DHX36: variants seen among roughly 807,000 people sequenced by gnomAD.
DHX36 encodes the protein ATP-dependent DNA/RNA helicase DHX36.
DHX36 carries 50 observed loss-of-function variants against 139.0 expected under a neutral mutation model. That is an observed-to-expected ratio of 0.36 (90% CI 0.29 to 0.46). The LOEUF is 0.46. Ranked by LOEUF, DHX36 falls within the 20% of genes least tolerant of loss-of-function variation. DHX36 has a pLI of 1.00. For missense variants in DHX36, 1,024 were observed against 1,211.3 expected (o/e 0.85, Z 2.29); for synonymous variants, 425 against 401.9 (o/e 1.06, Z -0.69).
Position 154,273,570 on chromosome 3 carries a change from C to T in DHX36, c.*2601G>A, listed in dbSNP as rs1293096196. 1 of 152,212 alleles carries T rather than the reference C, an allele frequency of 6.6e-6. No homozygotes were observed. Among genetic ancestry groups the T allele is most frequent in the Non-Finnish European group, 1.5e-5 (1 of 68,040 alleles). The allele number at this position is 152,212 out of a possible 1,614,324, so 9.4% of individuals were successfully genotyped here. ...AGCAAGAAAGACCAGATGGTCACCT[C>T]GACGTTAGAGGCAAAACCAGTATGC... is the stretch of plus-strand genomic sequence containing the variant. On this transcript the variant is annotated 3_prime_UTR_variant, in exon 25 of 25. Transcript: ENST00000496811.
intron 1 of DHX36, among the ~76,000 whole-genome samples, chr3:154,319,712 G>A (rs1559961592): frequency 6.6e-6 from 1 of 152,024 alleles, no homozygotes; most frequent in Non-Finnish European, 1.5e-5. Context: ...TTTTAGTAAT[G>A]TGGTAGAGAA....
chr3:154,277,270 T>C (rs562569934), intron 23 of DHX36, among the ~76,000 whole-genome samples: 4 of 152,250 alleles, frequency 2.6e-5, no homozygotes, highest in Admixed American at 2.6e-4. Context: ...GAACAATACT[T>C]ATAAGGTATA....
rs979998876 is a variant in DHX36, at chr3:154,273,248, G to A, written c.*2923C>T. 3 of 152,146 alleles carry A rather than the reference G, an allele frequency of 2.0e-5. No individual in the cohort carries two copies. The highest frequency in any genetic ancestry group is 1.5e-5 in the Non-Finnish European group (1 of 68,024). The allele number at this position is 152,146 out of a possible 1,614,324, so 9.4% of individuals were successfully genotyped here. ...ATTTTGTAAACAAAAGAAACAGAAT[G>A]TAAGTAGCACCTTGGATTAAAATGT... On this transcript the variant is annotated 3_prime_UTR_variant, in exon 25 of 25. Coordinates refer to ENST00000496811, the MANE Select transcript of DHX36 (RefSeq NM_020865.3).
At chr3:154,296,999 G>A (rs887770320) in intron 12 of DHX36, among the ~76,000 whole-genome samples, 5 of 152,182 alleles carry the variant, frequency 3.3e-5, no homozygotes, top group African/African-American at 1.2e-4. Context: ...GGAAATAAAG[G>A]TAAGAGAGAA....
Position 154,292,726 on chromosome 3 carries a change from AACACACACAC to A in DHX36, c.1671-42_1671-33del, listed in dbSNP as rs58416816. 1.9e-3 allele frequency: 2,842 copies of A among 1,513,228 alleles called. 12 individuals carry two copies. In the African/African-American group the frequency reaches 0.021, roughly 11 times the overall value. 93.7% of individuals were successfully genotyped at this position (1,513,228 alleles called of 1,614,324 possible). A position where few individuals can be genotyped will look rare whatever the true frequency, so the allele number is the denominator to read the frequency against. On this transcript the variant is annotated intron_variant, in intron 14 of 24. Transcript: ENST00000496811. ...GGAAAACAGATATATAAAATGTTAA[AACACACACAC>A]ACACACACACACACACACACACACA... is the stretch of plus-strand genomic sequence containing the variant.
intron 1 of DHX36, among the ~76,000 whole-genome samples, chr3:154,321,428 T>A (rs1713181073): frequency 1.3e-5 from 2 of 152,218 alleles, no homozygotes; most frequent in African/African-American, 4.8e-5. Context: ...AGTTTCAACT[T>A]AAGGGTTACT....
chr3:154,285,032 T>G, intron 17 of DHX36, 45 bp from the exon 18 acceptor site: 1 of 1,592,686 alleles, frequency 6.3e-7, no homozygotes, highest in Non-Finnish European at 8.6e-7. Context: ...TGTAAAGCAT[T>G]ACATTTAAAA....
chr3:154,290,363 C>G (rs373883065), intron 15 of DHX36, among the ~76,000 whole-genome samples: 1 of 152,060 alleles, frequency 6.6e-6, no homozygotes, highest in Non-Finnish European at 1.5e-5. Context: ...AGGCCGGGCG[C>G]GATGGCTCAC....
chr3:154,287,847 T>C (rs925215608), intron 17 of DHX36, among the ~76,000 whole-genome samples: 2 of 151,842 alleles, frequency 1.3e-5, no homozygotes, highest in East Asian at 1.9e-4. Context: ...ATAATAAACA[T>C]AAAAGCTGCT....
At chr3:154,287,146 G>T (rs911469658) in intron 17 of DHX36, among the ~76,000 whole-genome samples, 1 of 152,126 alleles carries the variant, frequency 6.6e-6, no homozygotes, top group South Asian at 2.1e-4. Flanking sequence ...AGGACAAAAA[G>T]AGATGAACTT....
intron 15 of DHX36, 55 bp downstream of exon 15, chr3:154,292,496 T>C: frequency 6.2e-7 from 1 of 1,605,178 alleles, no homozygotes; most frequent in South Asian, 1.1e-5. Flanking sequence ...CATCACATTT[T>C]GTTACACAAA....
chr3:154,324,024 G>T (rs891018355), intron 1 of DHX36, 150 bp downstream of exon 1: 8 of 934,680 alleles, frequency 8.6e-6, no homozygotes, highest in Non-Finnish European at 9.7e-6. Flanking sequence ...CACCCGCTAC[G>T]GGGAGCGCCA....
intron 24 of DHX36, 107 bp from the exon 25 acceptor site, chr3:154,276,463 T>G (rs1486223304): frequency 1.8e-6 from 2 of 1,081,610 alleles, no homozygotes; most frequent in South Asian, 3.1e-5. Context: ...AAGCGATGGC[T>G]CAAAAGCTAA....
At position 154,289,954 on chromosome 3, in the gene DHX36, T is replaced by G. The variant is rs141557293; in HGVS notation, c.1815-128A>C. 1.2e-5 allele frequency: 7 copies of G among 569,308 alleles called. No individual in the cohort carries two copies. The East Asian group carries it at 2.0e-4, about 16-fold the overall frequency. The allele number at this position is 569,308 out of a possible 1,614,324, so 35.3% of individuals were successfully genotyped here. A position where few individuals can be genotyped will look rare whatever the true frequency, so the allele number is the denominator to read the frequency against. ...TTCTTACATGCCACATAATAGCTAA[T>G]GTACGTAATTATTTTTTCCTTTTTA... On this transcript the variant is annotated intron_variant, in intron 15 of 24. Transcript: ENST00000496811.
At chr3:154,277,499 C>CAAA in intron 23 of DHX36, 99 bp downstream of exon 23, 1 of 1,162,974 alleles carries the variant, frequency 8.6e-7, no homozygotes, top group Non-Finnish European at 1.1e-6. Flanking sequence ...TAAGACACAA[C>CAAA]AAAAAAAAAA....
At chr3:154,318,469 C>A (rs936402098) in intron 1 of DHX36, among the ~76,000 whole-genome samples, 1 of 152,080 alleles carries the variant, frequency 6.6e-6, no homozygotes, top group East Asian at 1.9e-4. Flanking sequence ...CACTTCCTGC[C>A]CGTAACAGCA....
intron 15 of DHX36, 92 bp from the exon 16 acceptor site, chr3:154,289,918 C>T (rs1711716063): frequency 4.3e-6 from 3 of 705,626 alleles, no homozygotes; most frequent in Non-Finnish European, 7.3e-6. Flanking sequence ...AGGGAAGTAG[C>T]CAATATCAAT....
chr3:154,297,906 A>G (rs574381536), intron 12 of DHX36, among the ~76,000 whole-genome samples: 18 of 152,308 alleles, frequency 1.2e-4, no homozygotes, highest in Non-Finnish European at 2.1e-4. Flanking sequence ...TATGAAAAGA[A>G]AAAAACAAGA....
At position 154,293,271 on chromosome 3, in the gene DHX36, T is replaced by C. The variant is rs1282422249; in HGVS notation, c.1670+477A>G. On this transcript the variant is annotated intron_variant, in intron 14 of 24. Coordinates refer to ENST00000496811, the MANE Select transcript of DHX36 (RefSeq NM_020865.3). Reference sequence around the variant, plus strand: ...TGCTATTTCTGAGCTAAAGCATTACTATAGGTTAAAAAACCCCCACAAAAC... The same window carrying C: ...TGCTATTTCTGAGCTAAAGCATTACCATAGGTTAAAAAACCCCCACAAAAC... 2.6e-5 allele frequency among the ~76,000 whole-genome samples: 4 copies of C among 152,228 alleles called. No homozygotes were observed. The East Asian group carries it at 7.7e-4, about 29-fold the overall frequency.
Sources: gnomAD v4.1 joint callset for allele counts (sites outside exome capture counted in the v4.1 genomes callset) on GRCh38, gnomAD v4.1.1 for gene constraint, MANE v1.5 for transcripts, NCBI Gene and HGNC (gene_info 2026-07-23, HGNC 2026-07-21) for gene names.